DNAJC8: variants seen among roughly 807,000 people sequenced by gnomAD.
The protein encoded by DNAJC8 is DnaJ heat shock protein family (Hsp40) member C8, also known as dnaJ homolog subfamily C member 8.
DNAJC8 carries 24 observed loss-of-function variants against 43.2 expected under a neutral mutation model. The ratio of observed to expected loss-of-function variants is 0.56; its 90% CI spans 0.40 to 0.78. DNAJC8 has a LOEUF of 0.78. Among genes scored for constraint, DNAJC8 ranks in the 30% least tolerant of loss-of-function variants. The probability of loss-of-function intolerance (pLI) is 0.00; values close to 1 mark genes in which losing one functional copy is unlikely to be tolerated. For missense variants in DNAJC8, 207 were observed against 299.4 expected (o/e 0.69, Z 2.28); for synonymous variants, 83 against 98.0 (o/e 0.85, Z 0.90).
chr1:28,230,825 A>G (rs748392662), intron 1 of DNAJC8, among the ~76,000 whole-genome samples: 68 of 152,246 alleles, frequency 4.5e-4, no homozygotes, highest in Admixed American at 1.1e-3. Context: ...CCTAAATGTA[A>G]TACTTTGGAG....
At chr1:28,202,754 G>T (rs909462905) in intron 8 of DNAJC8, among the ~76,000 whole-genome samples, 21 of 146,960 alleles carry the variant, frequency 1.4e-4, no homozygotes, top group Admixed American at 1.2e-3. Flanking sequence ...CTAATTTTTT[G>T]TATTTTTTTA....
chr1:28,211,777 G>A (rs2149017098), intron 3 of DNAJC8, among the ~76,000 whole-genome samples: 1 of 152,154 alleles, frequency 6.6e-6, no homozygotes, highest in East Asian at 1.9e-4. Context: ...TTTTTGGGAA[G>A]GGTACAAGCT....
intron 6 of DNAJC8, among the ~76,000 whole-genome samples, chr1:28,205,984 G>T (rs762990608): frequency 6.6e-6 from 1 of 152,098 alleles, no homozygotes; most frequent in Non-Finnish European, 1.5e-5. Flanking sequence ...TGGAGTTTGA[G>T]ACCACCCTGA....
chr1:28,210,189 G>A (rs147864607), intron 4 of DNAJC8, 123 bp from the exon 5 acceptor site: 28 of 775,020 alleles, frequency 3.6e-5, no homozygotes, highest in African/African-American at 3.5e-4. Flanking sequence ...ATTTACTGTC[G>A]TTAAACTAAG....
intron 7 of DNAJC8, among the ~76,000 whole-genome samples, chr1:28,204,862 A>AACCGGCT (rs1646758522): frequency 6.6e-6 from 1 of 152,142 alleles, no homozygotes; most frequent in African/African-American, 2.4e-5. Context: ...GTCTCTACTA[A>AACCGGCT]AATACAAAAA....
At chr1:28,226,465 T>TGCACTCCAGCCTGGGCGACAG (rs1164039778) in intron 2 of DNAJC8, among the ~76,000 whole-genome samples, 2 of 151,018 alleles carry the variant, frequency 1.3e-5, no homozygotes, top group African/African-American at 4.9e-5. Context: ...ATTGCGCCAC[T>TGCACTCCAGCCTGGGCGACAG]GCACTCCAGC....
chr1:28,231,778 T>C (rs529504394), intron 1 of DNAJC8, among the ~76,000 whole-genome samples: 22 of 152,144 alleles, frequency 1.4e-4, no homozygotes, highest in Non-Finnish European at 2.4e-4. Flanking sequence ...AAGAATTTTT[T>C]TCTTTTTTAG....
At chr1:28,207,452 GTTGTTGTT>G (rs1646777292) in intron 6 of DNAJC8, among the ~76,000 whole-genome samples, 1 of 151,684 alleles carries the variant, frequency 6.6e-6, no homozygotes, top group South Asian at 2.1e-4. Context: ...TGTTGTTGTT[GTTGTTGTT>G]TTAAGACAGA....
intron 2 of DNAJC8, among the ~76,000 whole-genome samples, chr1:28,218,185 T>C (rs1370910389): frequency 6.7e-6 from 1 of 148,982 alleles, no homozygotes; most frequent in Non-Finnish European, 1.5e-5. Context: ...AACCTCCGCC[T>C]CTGGGATTCA....
chr1:28,201,183 A>G lies in DNAJC8; in HGVS notation c.*65T>C. On this transcript the variant is annotated 3_prime_UTR_variant, in exon 9 of 9. Transcript: ENST00000263697. ...GTTGGGGTGGAAGTGGGAGGAAAGA[A>G]TGAGTCCTTCGAAGCAGGAAGGGAG... 1 of 1,603,228 alleles carries G rather than the reference A, an allele frequency of 6.2e-7. No individual in the cohort carries two copies. Among genetic ancestry groups the G allele is most frequent in the South Asian group, 1.1e-5 (1 of 90,722 alleles).
chr1:28,222,596 C>T (rs567137316), intron 2 of DNAJC8, among the ~76,000 whole-genome samples: 1 of 151,740 alleles, frequency 6.6e-6, no homozygotes, highest in African/African-American at 2.4e-5. Context: ...CTTTTTATCT[C>T]CCCCTTCCCT....
Position 28,200,919 on chromosome 1 carries a change from T to C in DNAJC8, c.*329A>G. On this transcript the variant is annotated 3_prime_UTR_variant, in exon 9 of 9. Transcript: ENST00000263697. ...GTTTAATTGGATGATTTCCACAAAC[T>C]ATCCACGAAGTTTCTAACCATCACA... The C allele has an allele frequency of 2.6e-6, 1 of 378,200 alleles. No individual in the cohort carries two copies. 23.4% of individuals were successfully genotyped at this position (378,200 alleles called of 1,614,324 possible).
intron 1 of DNAJC8, 146 bp downstream of exon 1, chr1:28,232,773 TCA>T: frequency 1.3e-6 from 1 of 742,130 alleles, no homozygotes; most frequent in Non-Finnish European, 2.2e-6. Context: ...TGGGAGACGC[TCA>T]CACACCCCCA....
chr1:28,212,105 A>T (rs1335820531), intron 3 of DNAJC8, among the ~76,000 whole-genome samples: 2 of 146,602 alleles, frequency 1.4e-5, no homozygotes, highest in South Asian at 4.4e-4. Flanking sequence ...GCCGTGAGCC[A>T]AGATCGCAAC....
At chr1:28,224,143 ACCTAAGT>A (rs1646917724) in intron 2 of DNAJC8, among the ~76,000 whole-genome samples, 1 of 152,152 alleles carries the variant, frequency 6.6e-6, no homozygotes, top group African/African-American at 2.4e-5. Flanking sequence ...AAATAGAAAA[ACCTAAGT>A]CCATACTGGC....
chr1:28,206,178 C>T (rs991256744), intron 6 of DNAJC8, among the ~76,000 whole-genome samples: 3 of 151,022 alleles, frequency 2.0e-5, no homozygotes, highest in Admixed American at 1.3e-4. Flanking sequence ...GACAACAGAG[C>T]AAGACTCTAT....
rs554674510 is a variant in DNAJC8 at position 28,214,333 on chromosome 1, G to A, written c.237+607C>T. ...GTAGATCACTTGAGGTCAGGAGTTC[G>A]TCACCAGCCTGGCCAACATAGGGAA... On this transcript the variant is annotated intron_variant, in intron 3 of 8. Coordinates refer to ENST00000263697, the MANE Select transcript of DNAJC8 (RefSeq NM_014280.3). Among the ~76,000 whole-genome samples, 21 of 152,090 alleles carry A rather than the reference G, an allele frequency of 1.4e-4. No individual in the cohort carries two copies. In the East Asian group the frequency reaches 3.9e-3, roughly 28 times the overall value.
rs1194448429 is a variant in DNAJC8 at position 28,212,164 on chromosome 1, AATAAATATATATATAT to A, written c.238-1543_238-1528del. 3.4e-3 allele frequency among the ~76,000 whole-genome samples: 104 copies of A among 30,564 alleles called. 1 individual carries two copies. The highest frequency in any genetic ancestry group is 5.7e-3 in the African/African-American group (64 of 11,316). The allele number at this position is 30,564 out of a possible 152,430, so 20.1% of individuals were successfully genotyped here. On this transcript the variant is annotated intron_variant, in intron 3 of 8. Transcript: ENST00000263697. ...GAGCCGGACTCCGTCTCAATAAATAAATAAATATATATATATATATATATATATATATATATATATA... is the reference window on the plus strand; with the variant it reads ...GAGCCGGACTCCGTCTCAATAAATAAATATATATATATATATATATATATA...
intron 1 of DNAJC8, 84 bp from the exon 2 acceptor site, chr1:28,229,107 CAACA>C (rs1480407343): frequency 5.3e-6 from 6 of 1,124,642 alleles, no homozygotes; most frequent in African/African-American, 3.1e-5. Flanking sequence ...CTGATATGTT[CAACA>C]AACATTTATT....
Sources: gnomAD v4.1 joint callset for allele counts (sites outside exome capture counted in the v4.1 genomes callset) on GRCh38, gnomAD v4.1.1 for gene constraint, MANE v1.5 for transcripts, NCBI Gene and HGNC (gene_info 2026-07-23, HGNC 2026-07-21) for gene names.